The following SETD4 variants were observed in gnomAD, a reference collection of about 807,000 sequenced individuals.
SETD4 encodes SET domain containing 4, also known as SET domain-containing protein 4.
Under a neutral mutation model 58.3 loss-of-function variants are expected in SETD4, and 46 were observed. The observed-to-expected ratio is 0.79, with a 90% CI of 0.62 to 1.01. SETD4 has a LOEUF of 1.01. Ranked by LOEUF, SETD4 falls within the 50% of genes least tolerant of loss-of-function variation. The pLI is 0.00. For missense variants in SETD4, 490 were observed against 523.3 expected (o/e 0.94, Z 0.62); for synonymous variants, 190 against 202.6 (o/e 0.94, Z 0.53).
chr21:36,053,973 CCT>C (rs1183712716), intron 3 of SETD4, among the ~76,000 whole-genome samples: 1 of 152,204 alleles, frequency 6.6e-6, no homozygotes, highest in Non-Finnish European at 1.5e-5. Flanking sequence ...GCCCAGCCAA[CCT>C]CTGAGGCTAG....
At chr21:36,047,287 A>T (rs114930217) in intron 5 of SETD4, among the ~76,000 whole-genome samples, 1 of 152,162 alleles carries the variant, frequency 6.6e-6, no homozygotes, top group Non-Finnish European at 1.5e-5. Flanking sequence ...ATACTCTTTC[A>T]ACCCTTGTAT....
intron 4 of SETD4, 113 bp downstream of exon 4, chr21:36,053,470 G>T: frequency 9.9e-7 from 1 of 1,011,266 alleles, no homozygotes; most frequent in Non-Finnish European, 1.6e-6. Context: ...TATCTATTAG[G>T]TAAGTAAGAA....
chr21:36,051,633 T>C (rs1285095990), intron 4 of SETD4, among the ~76,000 whole-genome samples: 2 of 152,184 alleles, frequency 1.3e-5, no homozygotes, highest in African/African-American at 4.8e-5. Context: ...CCTTTTAAAT[T>C]GCTAAAAAAT....
At chr21:36,059,877 G>A (rs1286766837) in intron 1 of SETD4, 1 of 985,350 alleles carries the variant, frequency 1.0e-6, no homozygotes, top group Non-Finnish European at 1.2e-6. Context: ...GTTCGGTGCG[G>A]GTCCCAGCGC....
intron 7 of SETD4, chr21:36,042,500 A>G (rs573974771): frequency 1.4e-4 from 21 of 152,330 alleles, no homozygotes; most frequent in Admixed American, 5.2e-4. Flanking sequence ...CATGAAGCCA[A>G]TCTCGAAGCT....
chr21:36,057,703 A>G (rs1241201396), intron 2 of SETD4, among the ~76,000 whole-genome samples: 1 of 152,240 alleles, frequency 6.6e-6, no homozygotes, highest in Non-Finnish European at 1.5e-5. Context: ...TTGATTTTAA[A>G]ACTTATTATA....
chr21:36,044,019 G>C, intron 6 of SETD4, 63 bp from the exon 7 acceptor site: 1 of 1,545,014 alleles, frequency 6.5e-7, no homozygotes, highest in Non-Finnish European at 8.8e-7. Flanking sequence ...AGCTGATTAA[G>C]TTATTACATA....
At chr21:36,039,903 C>T (rs2063963812) in intron 9 of SETD4, among the ~76,000 whole-genome samples, 1 of 152,256 alleles carries the variant, frequency 6.6e-6, no homozygotes, top group Non-Finnish European at 1.5e-5. Context: ...CTCAGTCAGT[C>T]CTCCCAACTG....
At chr21:36,039,013 A>G (rs1003769402) in intron 9 of SETD4, among the ~76,000 whole-genome samples, 1 of 152,078 alleles carries the variant, frequency 6.6e-6, no homozygotes, top group African/African-American at 2.4e-5. Context: ...AAGGGGAGGA[A>G]AGATGGCTGC....
intron 5 of SETD4, among the ~76,000 whole-genome samples, chr21:36,047,097 A>G (rs1293908894): frequency 6.6e-6 from 1 of 152,110 alleles, no homozygotes; most frequent in Non-Finnish European, 1.5e-5. Context: ...CTCTACTAAA[A>G]ATACAAAATT....
chr21:36,036,307 C>A lies in SETD4; in HGVS notation c.1189-56G>T. 8 of 1,358,402 alleles carry A rather than the reference C, an allele frequency of 5.9e-6. No individual in the cohort carries two copies. The South Asian group carries it at 1.2e-4, about 20-fold the overall frequency. The allele number at this position is 1,358,402 out of a possible 1,614,324, so 84.1% of individuals were successfully genotyped here. A position where few individuals can be genotyped will look rare whatever the true frequency, so the allele number is the denominator to read the frequency against. On this transcript the variant is annotated intron_variant, in intron 10 of 11. Coordinates refer to ENST00000332131, the MANE Select transcript of SETD4 (RefSeq NM_017438.5). ...TAGTAAAACATATATATATATTTCA[C>A]AGAACGTACGTACCTTTTTAACCAA...
intron 10 of SETD4, chr21:36,036,608 T>C: frequency 1.0e-6 from 1 of 971,000 alleles, no homozygotes; most frequent in Non-Finnish European, 1.2e-6. Context: ...TCAAGCTTCA[T>C]TAAAATCACT....
Position 36,035,740 on chromosome 21 carries a change from G to T in SETD4, c.*253C>A. The T allele has an allele frequency of 3.7e-6, 1 of 269,128 alleles. No individual in the cohort carries two copies. The highest frequency in any genetic ancestry group is 7.2e-6 in the Non-Finnish European group (1 of 139,224). The allele number at this position is 269,128 out of a possible 1,614,324, so 16.7% of individuals were successfully genotyped here. A position where few individuals can be genotyped will look rare whatever the true frequency, so the allele number is the denominator to read the frequency against. On this transcript the variant is annotated 3_prime_UTR_variant, in exon 12 of 12. Coordinates refer to ENST00000332131, the MANE Select transcript of SETD4 (RefSeq NM_017438.5). ...GGCCCCGTGGTGACAGACCACACAC[G>T]GACGCAGCTGGCTCCTGGCTGCCTC... is the stretch of plus-strand genomic sequence containing the variant.
In SETD4 at chr21:36,045,872, C is replaced by T; in HGVS notation, c.436G>A (p.Glu146Lys). Residue 146 changes from glutamate (E) to lysine (K), a missense_variant, in exon 6 of 12, where the codon GAA (glutamate) becomes AAA (lysine). By Grantham distance (56) the Glu-to-Lys change is moderately conservative. Transcript: ENST00000332131. ...AYTCPVCLEP[E>K]VVNLLPKSLK... ...GATTTGGGAAGAAGGTTCACCACTT[C>T]CGGCTCCAAACAAACAGGGCAGGTA... 1 of 1,614,222 alleles carries T rather than the reference C, an allele frequency of 6.2e-7. No individual in the cohort carries two copies. Among genetic ancestry groups the T allele is most frequent in the East Asian group, 2.2e-5 (1 of 44,876 alleles).
intron 8 of SETD4, among the ~76,000 whole-genome samples, chr21:36,041,103 T>C (rs1018529488): frequency 8.7e-5 from 11 of 126,292 alleles, no homozygotes; most frequent in Non-Finnish European, 4.6e-5. Context: ...GAGCTTGCAG[T>C]GAGCTGAGAT....
At chr21:36,050,591 T>A (rs2835256) in intron 4 of SETD4, 1 of 1,613,622 alleles carries the variant, frequency 6.2e-7, no homozygotes, top group Non-Finnish European at 8.5e-7. Context: ...TGGCTGGCCA[T>A]GGTGTTCCTC....
intron 6 of SETD4, 45 bp downstream of exon 6, chr21:36,045,537 C>A: frequency 6.3e-7 from 1 of 1,586,152 alleles, no homozygotes; most frequent in Non-Finnish European, 8.6e-7. Context: ...GCAGCGGAAG[C>A]CTTCCTATCC....
chr21:36,054,208 C>T (rs1032232960), intron 3 of SETD4, among the ~76,000 whole-genome samples: 2 of 152,184 alleles, frequency 1.3e-5, no homozygotes, highest in African/African-American at 4.8e-5. Flanking sequence ...GCCAAGGCTC[C>T]GGCTGGAGCA....
chr21:36,050,227 A>T, intron 4 of SETD4: 1 of 1,269,582 alleles, frequency 7.9e-7, no homozygotes, highest in Non-Finnish European at 1.2e-6. Context: ...ATCTGTAGTT[A>T]CGTGGCTGCC....
Sources: gnomAD v4.1 joint callset for allele counts (sites outside exome capture counted in the v4.1 genomes callset) on GRCh38, gnomAD v4.1.1 for gene constraint, MANE v1.5 for transcripts, NCBI Gene and HGNC (gene_info 2026-07-23, HGNC 2026-07-21) for gene names.